Variants in SCAPER observed in about 807,000 individuals in gnomAD.
The protein encoded by SCAPER is S-phase cyclin A associated protein in the ER.
A neutral mutation model predicts 182.2 loss-of-function variants in SCAPER; 98 were observed. The ratio of observed to expected loss-of-function variants is 0.54; its 90% confidence interval spans 0.46 to 0.64. SCAPER has a LOEUF of 0.64. SCAPER is among the 30% of genes least tolerant of loss of function. SCAPER has a pLI of 0.00. For missense variants in SCAPER, 1,432 were observed against 1,690.0 expected, an observed-to-expected ratio of 0.85 and a Z score of 2.68; for synonymous variants, 605 against 564.6, an observed-to-expected ratio of 1.07 and a Z score of -1.01.
intron 25 of SCAPER, among the ~76,000 whole-genome samples, chr15:76,453,426 G>C (rs562569930): frequency 2.6e-5 from 4 of 152,144 alleles, no homozygotes; most frequent in African/African-American, 9.7e-5. Flanking sequence ...GTGACTCCTT[G>C]AACTTTCATG....
At chr15:76,578,917 G>A (rs556320316) in intron 22 of SCAPER, among the ~76,000 whole-genome samples, 2 of 152,174 alleles carry the variant, frequency 1.3e-5, no homozygotes, top group South Asian at 2.1e-4. Context: ...CAGAGAATTC[G>A]AAATAGTTGT....
At chr15:76,428,434 A>G (rs796207441) in intron 26 of SCAPER, among the ~76,000 whole-genome samples, 8 of 152,298 alleles carry the variant, frequency 5.3e-5, no homozygotes, top group African/African-American at 1.9e-4. Flanking sequence ...AAAGAATGCA[A>G]TCTTTCTTTT....
In SCAPER at chr15:76,484,654, C is replaced by T. The variant is rs2051444991; in HGVS notation, c.2955-13319G>A. Among the ~76,000 whole-genome samples the T allele has an allele frequency of 2.0e-5, 3 of 152,002 alleles. No individual in the cohort carries two copies. The South Asian group carries it at 6.2e-4, about 31-fold the overall frequency. On this transcript the variant is annotated intron_variant, in intron 24 of 31. Coordinates refer to ENST00000563290, the MANE Select transcript of SCAPER (RefSeq NM_020843.4). Reference sequence around the variant, plus strand: ...ACTCATTCTATGAGGCGAGCATCACCTCATAGAATATGCTGGCAAACTGAA... The same window carrying T: ...ACTCATTCTATGAGGCGAGCATCACTTCATAGAATATGCTGGCAAACTGAA...
At chr15:76,744,668 T>C (rs1237162106) in intron 15 of SCAPER, among the ~76,000 whole-genome samples, 1 of 152,160 alleles carries the variant, frequency 6.6e-6, no homozygotes, top group African/African-American at 2.4e-5. Context: ...AAGGGAACGC[T>C]TATACACTGT....
chr15:76,770,508 G>C (rs1193344902), intron 10 of SCAPER, among the ~76,000 whole-genome samples: 1 of 151,956 alleles, frequency 6.6e-6, no homozygotes, highest in Non-Finnish European at 1.5e-5. Flanking sequence ...ACACCTCTAA[G>C]AATACACTAA....
intron 1 of SCAPER, among the ~76,000 whole-genome samples, chr15:76,887,446 G>A (rs888239466): frequency 1.3e-5 from 2 of 152,074 alleles, no homozygotes; most frequent in African/African-American, 2.4e-5. Context: ...GTACACTCTC[G>A]CCCAAATACC....
chr15:76,841,938 A>C lies in SCAPER; in HGVS notation c.196-7T>G. ...TACAGTCCACTGCAGTACTCTGGTG[A>C]AGTAAAATAAAACATGAAAATAAAT... On this transcript the variant is annotated splice_polypyrimidine_tract_variant and splice_region_variant and intron_variant, in intron 4 of 31. Coordinates refer to ENST00000563290, the MANE Select transcript of SCAPER (RefSeq NM_020843.4). 6.3e-7 allele frequency: 1 copy of C among 1,597,968 alleles called. No homozygotes were observed. The highest frequency in any genetic ancestry group is 8.5e-7 in the Non-Finnish European group (1 of 1,174,428).
At chr15:76,538,950 T>C (rs1258914021) in intron 23 of SCAPER, among the ~76,000 whole-genome samples, 1 of 152,104 alleles carries the variant, frequency 6.6e-6, no homozygotes. Flanking sequence ...CTCTAAATGT[T>C]ATGCTAATCA....
At chr15:76,764,847 T>C (rs2063017457) in intron 14 of SCAPER, 114 bp downstream of exon 14, 3 of 614,494 alleles carry the variant, frequency 4.9e-6, no homozygotes, top group Admixed American at 3.4e-5. Context: ...TTTTATTTCC[T>C]AGCAAATCTA....
At chr15:76,843,509 A>T (rs2069694194) in intron 4 of SCAPER, among the ~76,000 whole-genome samples, 1 of 152,242 alleles carries the variant, frequency 6.6e-6, no homozygotes, top group Non-Finnish European at 1.5e-5. Flanking sequence ...AGCGTTTGAC[A>T]TGCATCTAGC....
intron 8 of SCAPER, among the ~76,000 whole-genome samples, chr15:76,781,818 C>T (rs2064164206): frequency 6.6e-6 from 1 of 152,152 alleles, no homozygotes; most frequent in African/African-American, 2.4e-5. Flanking sequence ...AAATAAAATA[C>T]TTCACAGACA....
At chr15:76,570,115 G>T (rs900672261) in intron 23 of SCAPER, among the ~76,000 whole-genome samples, 17 of 152,054 alleles carry the variant, frequency 1.1e-4, no homozygotes, top group African/African-American at 4.1e-4. Flanking sequence ...GCCACCTGGG[G>T]TATTAGCAAT....
At chr15:76,630,931 AG>A (rs1269334624) in intron 21 of SCAPER, among the ~76,000 whole-genome samples, 2 of 152,178 alleles carry the variant, frequency 1.3e-5, no homozygotes, top group Admixed American at 1.3e-4. Context: ...TGGGAGTCTA[AG>A]TCTCTCTGTA....
At chr15:76,472,856 C>A (rs1438124200) in intron 24 of SCAPER, among the ~76,000 whole-genome samples, 1 of 152,140 alleles carries the variant, frequency 6.6e-6, no homozygotes, top group Non-Finnish European at 1.5e-5. Flanking sequence ...TGGCACAAAT[C>A]CCTTGTGGTA....
intron 22 of SCAPER, among the ~76,000 whole-genome samples, chr15:76,589,983 C>G (rs777220050): frequency 9.2e-5 from 14 of 152,272 alleles, no homozygotes; most frequent in Middle Eastern, 6.8e-3. Flanking sequence ...GGGGGTGGAC[C>G]ATCCTCCTTT....
At chr15:76,611,663 T>C (rs777588523) in intron 22 of SCAPER, among the ~76,000 whole-genome samples, 12 of 152,154 alleles carry the variant, frequency 7.9e-5, no homozygotes, top group Non-Finnish European at 1.5e-4. Context: ...TGAACACTGA[T>C]GTGTTCATCA....
intron 27 of SCAPER, among the ~76,000 whole-genome samples, chr15:76,397,065 T>C (rs1281821964): frequency 6.6e-6 from 1 of 152,042 alleles, no homozygotes; most frequent in Non-Finnish European, 1.5e-5. Flanking sequence ...CAAATGCTTT[T>C]TCAGCATGTC....
At chr15:76,851,079 T>C (rs1318943125) in intron 4 of SCAPER, among the ~76,000 whole-genome samples, 2 of 151,756 alleles carry the variant, frequency 1.3e-5, no homozygotes, top group Admixed American at 6.6e-5. Flanking sequence ...ATTAACAGAA[T>C]AGACCAAGCT....
At chr15:76,865,974 G>T (rs1437397592) in intron 2 of SCAPER, among the ~76,000 whole-genome samples, 1 of 152,112 alleles carries the variant, frequency 6.6e-6, no homozygotes, top group African/African-American at 2.4e-5. Flanking sequence ...ATTTGCAAAA[G>T]TCACTTCTCT....
Sources: allele counts gnomAD v4.1 joint callset (sites outside exome capture counted in the v4.1 genomes callset), GRCh38; gene constraint gnomAD v4.1.1; transcripts MANE v1.5; gene names NCBI Gene and HGNC (gene_info 2026-07-23, HGNC 2026-07-21).